Variants in ARFRP1 observed in about 807,000 individuals in gnomAD.
The protein encoded by ARFRP1 is ADP-ribosylation factor-related protein 1.
ARFRP1 carries 19 observed loss-of-function variants against 30.3 expected under a neutral mutation model. The observed-to-expected ratio is 0.63, with a 90% CI of 0.44 to 0.92. ARFRP1 has a LOEUF of 0.92. Among genes scored for constraint, ARFRP1 ranks in the 40% least tolerant of loss-of-function variants. The probability of loss-of-function intolerance (pLI) is 0.00; values close to 1 mark genes in which losing one functional copy is unlikely to be tolerated. For missense variants in ARFRP1, 245 were observed against 267.5 expected, an observed-to-expected ratio of 0.92 and a Z score of 0.59; for synonymous variants, 133 against 114.2, an observed-to-expected ratio of 1.16 and a Z score of -1.05.
rs2091473307 is a variant in ARFRP1 at position 63,706,559 on chromosome 20, C to T, written c.181+92G>A. On this transcript the variant is annotated intron_variant, in intron 3 of 7. Coordinates refer to ENST00000622789, the MANE Select transcript of ARFRP1 (RefSeq NM_001267547.3). Reference sequence around the variant, plus strand: ...CCACTCAAATGAGACTTGAGAGGGGCCCGACAGGGCTGTGGCCACGGGCCA... The same window carrying T: ...CCACTCAAATGAGACTTGAGAGGGGTCCGACAGGGCTGTGGCCACGGGCCA... 4.6e-6 allele frequency: 7 copies of T among 1,515,272 alleles called. No homozygotes were observed. The South Asian group carries it at 5.6e-5, about 12-fold the overall frequency. The allele number at this position is 1,515,272 out of a possible 1,614,324, so 93.9% of individuals were successfully genotyped here.
intron 4 of ARFRP1, chr20:63,704,218 C>G (rs1446436161): frequency 6.6e-6 from 1 of 151,564 alleles, no homozygotes; most frequent in Non-Finnish European, 1.5e-5. Context: ...TACAGGAAAC[C>G]AGGGTGGGAG....
chr20:63,705,508 G>A (rs1027062033), intron 4 of ARFRP1: 6 of 438,540 alleles, frequency 1.4e-5, no homozygotes, highest in Non-Finnish European at 2.7e-5. Flanking sequence ...TGTGGGGAAG[G>A]GGCACCACAC....
At chr20:63,702,456 GA>G in intron 4 of ARFRP1, 1 of 548,082 alleles carries the variant, frequency 1.8e-6, no homozygotes, top group Non-Finnish European at 3.3e-6. Flanking sequence ...GGCCAAAGGT[GA>G]AAGACAGGGA....
In ARFRP1 at chr20:63,699,868, C is replaced by CT. The variant is rs1157948088; in HGVS notation, c.*574dup. On this transcript the variant is annotated 3_prime_UTR_variant, in exon 8 of 8. Transcript: ENST00000622789. ...CCAGGCCCAGGCGTGGGGTATAGGTCTTCCCCCGCAGGCCTCAGCCCTGTC... is the reference window on the plus strand; with the variant it reads ...CCAGGCCCAGGCGTGGGGTATAGGTCTTTCCCCCGCAGGCCTCAGCCCTGTC... The CT allele has an allele frequency of 1.2e-5, 2 of 167,370 alleles. No individual in the cohort carries two copies. The highest frequency in any genetic ancestry group is 2.8e-3 in the Middle Eastern group (1 of 360). The allele number at this position is 167,370 out of a possible 1,614,324, so 10.4% of individuals were successfully genotyped here. A position where few individuals can be genotyped will look rare whatever the true frequency, so the allele number is the denominator to read the frequency against.
At chr20:63,702,259 G>A (rs376441019) in intron 4 of ARFRP1, 42 bp from the exon 5 acceptor site, 169 of 1,568,446 alleles carry the variant, frequency 1.1e-4, no homozygotes, top group Non-Finnish European at 1.4e-4. Flanking sequence ...TCCCCACCCT[G>A]CCAAGGGCCA....
At chr20:63,703,063 C>A (rs555221268) in intron 4 of ARFRP1, 40 of 152,406 alleles carry the variant, frequency 2.6e-4, no homozygotes, top group African/African-American at 8.9e-4. Flanking sequence ...CAGAAAAAAA[C>A]ACAGCAAACT....
chr20:63,706,823 G>GACAGAA (rs1007770435), intron 2 of ARFRP1, 85 bp from the exon 3 acceptor site: 15 of 1,320,974 alleles, frequency 1.1e-5, no homozygotes, highest in Middle Eastern at 3.6e-4. Flanking sequence ...TTCTTTAAAA[G>GACAGAA]ACAGAAACAG....
chr20:63,701,640 G>A (rs1335067651), intron 6 of ARFRP1, 190 bp downstream of exon 6: 1 of 612,234 alleles, frequency 1.6e-6, no homozygotes, highest in East Asian at 2.8e-5. Context: ...AACCTCCAGG[G>A]CTGGCAGCAG....
At chr20:63,706,301 G>T in intron 4 of ARFRP1, 56 bp downstream of exon 4, 1 of 1,525,078 alleles carries the variant, frequency 6.6e-7, no homozygotes, top group Non-Finnish European at 9.1e-7. Context: ...GGGCACTCTG[G>T]AAAGAAGTGG....
chr20:63,705,318 C>G (rs2091401639), intron 4 of ARFRP1: 1 of 163,076 alleles, frequency 6.1e-6, no homozygotes, highest in Admixed American at 6.1e-5. Flanking sequence ...AAAAAGAGAT[C>G]AGGACCTGGG....
chr20:63,707,161 A>G, intron 1 of ARFRP1, 64 bp from the exon 2 acceptor site: 1 of 1,455,374 alleles, frequency 6.9e-7, no homozygotes, highest in Admixed American at 2.0e-5. Flanking sequence ...GGGCTTCTCC[A>G]CGGTGGTCAG....
At chr20:63,700,568 C>A in intron 7 of ARFRP1, 34 bp downstream of exon 7, 1 of 1,610,290 alleles carries the variant, frequency 6.2e-7, no homozygotes, top group South Asian at 1.1e-5. Context: ...GGGTCTCGGT[C>A]CCCAAAGCCC....
chr20:63,706,285 C>T, intron 4 of ARFRP1, 72 bp downstream of exon 4: 1 of 1,426,618 alleles, frequency 7.0e-7, no homozygotes, highest in South Asian at 1.2e-5. Context: ...TGAGGAAGGG[C>T]CCAAAGGGCA....
chr20:63,706,693 C>A lies in ARFRP1; in HGVS notation c.139G>T (p.Gly47Trp). 3 of 1,614,038 alleles carry A rather than the reference C, an allele frequency of 1.9e-6. No homozygotes were observed. The highest frequency in any genetic ancestry group is 2.5e-6 in the Non-Finnish European group (3 of 1,179,926). The change falls in exon 3 of 8, where the codon GGG (glycine) becomes TGG (tryptophan). Residue 47 changes from glycine (G) to tryptophan (W), a missense_variant. Gly to Trp is a radical substitution (Grantham distance 184, BLOSUM62 -2). Coordinates refer to ENST00000622789, the MANE Select transcript of ARFRP1 (RefSeq NM_001267547.3). ...GTGGTGATTTTGGATAGACTCATCC[C>A]CTTGTAGTTCTTGTTAAATCGGGTT... is the stretch of plus-strand genomic sequence containing the variant. ...SKTRFNKNYK[G>W]MSLSKITTTV...
Position 63,707,032 on chromosome 20 carries a change from G to A in ARFRP1, c.60C>T (p.Ile20=), listed in dbSNP as rs1340331586. ...KYMFQKDEYC[I]LILGLDNAGK... ...CAGCATTGTCCAGGCCCAGGATCAG[G>A]ATGCAGTACTCGTCCTTCTGAAACA... The change falls in exon 2 of 8, where the codon ATC becomes ATT. Residue 20 remains isoleucine (I), a synonymous_variant. Transcript: ENST00000622789. 1.9e-6 allele frequency: 3 copies of A among 1,613,790 alleles called. No homozygotes were observed. The highest frequency in any genetic ancestry group is 2.7e-5 in the African/African-American group (2 of 74,938).
intron 3 of ARFRP1, 52 bp from the exon 4 acceptor site, chr20:63,706,491 CCAGTCCCAG>C (rs1339506829): frequency 6.3e-7 from 1 of 1,577,816 alleles, no homozygotes; most frequent in Non-Finnish European, 8.7e-7. Flanking sequence ...CTCGACACAC[CCAGTCCCAG>C]CTCTCCCAGG....
At position 63,707,109 on chromosome 20, in the gene ARFRP1, A is replaced by G. The variant is rs1157371813; in HGVS notation, c.-6-12T>C. The G allele has an allele frequency of 2.5e-6, 4 of 1,591,070 alleles. No individual in the cohort carries two copies. Among genetic ancestry groups the G allele is most frequent in the East Asian group, 2.3e-5 (1 of 43,356 alleles). Reference sequence around the variant, plus strand: ...GTGTACATCCTGCCCTGGGCACCCCAACATAGGTCAGTGTGCAGCCAGAAA... The same window carrying G: ...GTGTACATCCTGCCCTGGGCACCCCGACATAGGTCAGTGTGCAGCCAGAAA... On this transcript the variant is annotated splice_polypyrimidine_tract_variant and intron_variant, in intron 1 of 7. Coordinates refer to ENST00000622789, the MANE Select transcript of ARFRP1 (RefSeq NM_001267547.3).
chr20:63,700,357 C>G lies in ARFRP1; in HGVS notation c.*86G>C, dbSNP rs2091137267. 1 of 1,565,428 alleles carries G rather than the reference C, an allele frequency of 6.4e-7. No individual in the cohort carries two copies. Among genetic ancestry groups the G allele is most frequent in the Non-Finnish European group, 8.7e-7 (1 of 1,154,910 alleles). ...GAACCCCAAAGCAAAGCAAACCCAC[C>G]CCCCAGATCAGCAGCATGGGAGCCA... On this transcript the variant is annotated 3_prime_UTR_variant, in exon 8 of 8. Coordinates refer to ENST00000622789, the MANE Select transcript of ARFRP1 (RefSeq NM_001267547.3).
chr20:63,700,755 C>A, intron 6 of ARFRP1, 53 bp from the exon 7 acceptor site: 1 of 1,590,012 alleles, frequency 6.3e-7, no homozygotes, highest in South Asian at 1.1e-5. Flanking sequence ...CCTGTCCTGC[C>A]TGTGGGCCCG....
Sources: allele counts gnomAD v4.1 joint callset, GRCh38; gene constraint gnomAD v4.1.1; transcripts MANE v1.5; gene names NCBI Gene and HGNC (gene_info 2026-07-23, HGNC 2026-07-21).